The following TRPM4 variants were observed in gnomAD, a reference collection of about 807,000 sequenced individuals.
The protein encoded by TRPM4 is calcium-activated non-selective cation channel 1.
TRPM4 carries 124 observed loss-of-function variants against 135.6 expected under a neutral mutation model. The observed-to-expected ratio is 0.91, with a 90% CI of 0.79 to 1.06. TRPM4 has a LOEUF of 1.06. Among genes scored for constraint, TRPM4 ranks in the 50% least tolerant of loss-of-function variants. TRPM4 has a pLI of 0.00. For synonymous variants in TRPM4, 745 were observed against 705.6 expected (o/e 1.06, Z -0.88); for missense variants, 1,658 against 1,671.4 (o/e 0.99, Z 0.14).
intron 9 of TRPM4, among the ~76,000 whole-genome samples, chr19:49,174,144 T>TTGTGTGTGTG (rs148469205): frequency 9.4e-5 from 14 of 149,620 alleles, no homozygotes; most frequent in African/African-American, 9.8e-5. Flanking sequence ...CAAGGAAAAG[T>TTGTGTGTGTG]TGTGTGTGTG....
At chr19:49,197,352 CTT>C (rs1243052515) in intron 17 of TRPM4, among the ~76,000 whole-genome samples, 7,336 of 107,030 alleles carry the variant, frequency 0.069, 257 homozygotes, top group South Asian at 0.11. Context: ...TTCTTTCTTT[CTT>C]TCTTTCTTTC....
chr19:49,200,449 G>T lies in TRPM4; in HGVS notation c.2778+17G>T, dbSNP rs779553209. 2.1e-6 allele frequency: 3 copies of T among 1,435,684 alleles called. No homozygotes were observed. The South Asian group carries it at 3.4e-5, about 16-fold the overall frequency. 88.9% of individuals were successfully genotyped at this position (1,435,684 alleles called of 1,614,324 possible). A position where few individuals can be genotyped will look rare whatever the true frequency, so the allele number is the denominator to read the frequency against. On this transcript the variant is annotated intron_variant, in intron 18 of 24. Coordinates refer to ENST00000252826, the MANE Select transcript of TRPM4 (RefSeq NM_017636.4). ...AGCAAGATGGTGAGGCAGGGGCGGG[G>T]CCAAAGTGGGCGGGGACATAGGGAA...
At position 49,200,321 on chromosome 19, in the gene TRPM4, C is replaced by G; in HGVS notation, c.2667C>G (p.His889Gln). 6.2e-7 allele frequency: 1 copy of G among 1,614,180 alleles called. No individual in the cohort carries two copies. The highest frequency in any genetic ancestry group is 8.5e-7 in the Non-Finnish European group (1 of 1,180,044). ...VGCRLTPGLYHLGRTVLCIDF... is the reference protein window; with the variant it reads ...VGCRLTPGLYQLGRTVLCIDF... ...CCAGGCTGACCCCGGGTTTGTACCA[C>G]CTGGGCCGCACTGTCCTCTGCATCG... The change falls in exon 18 of 25, where the codon CAC (histidine) becomes CAG (glutamine). Residue 889 changes from histidine (H) to glutamine (Q), a missense_variant. Coordinates refer to ENST00000252826, the MANE Select transcript of TRPM4 (RefSeq NM_017636.4).
Position 49,168,333 on chromosome 19 carries a change from G to C in TRPM4, c.522G>C (p.Gln174His), listed in dbSNP as rs1967311947. 6.2e-7 allele frequency: 1 copy of C among 1,614,040 alleles called. No homozygotes were observed. The highest frequency in any genetic ancestry group is 2.2e-5 in the East Asian group (1 of 44,900). The stretch of plus-strand genomic sequence containing the variant: ...TTGGTGTGGCTGTACGGGACCATCA[G>C]ATGGCCAGCACTGGGGGCACCAAGG... ...RHVGVAVRDHQMASTGGTKVV... is the reference protein window; with the variant it reads ...RHVGVAVRDHHMASTGGTKVV... Residue 174 changes from glutamine to histidine, a missense_variant, in exon 5 of 25, where the codon CAG becomes CAC. Gln to His is a conservative substitution (Grantham distance 24). This residue lies in a region of TRPM4 where 7 missense variants were observed against 22.6 expected (regional missense o/e 0.31). Coordinates refer to ENST00000252826, the MANE Select transcript of TRPM4 (RefSeq NM_017636.4).
chr19:49,200,166 C>A, intron 17 of TRPM4, 134 bp from the exon 18 acceptor site: 1 of 1,370,440 alleles, frequency 7.3e-7, no homozygotes, highest in Non-Finnish European at 1.0e-6. Flanking sequence ...TTGAGTAAAC[C>A]CCGGGTGACT....
intron 9 of TRPM4, among the ~76,000 whole-genome samples, chr19:49,179,549 C>T (rs374807152): frequency 6.6e-6 from 1 of 152,068 alleles, no homozygotes; most frequent in African/African-American, 2.4e-5. Context: ...GGGGTTTCAC[C>T]GTGTTACCCA....
intron 20 of TRPM4, among the ~76,000 whole-genome samples, chr19:49,203,187 C>A (rs113959674): frequency 0.021 from 3,129 of 146,150 alleles, 68 homozygotes; most frequent in Middle Eastern, 0.084. Flanking sequence ...CACCGCGCCC[C>A]GCCTTTTTTT....
chr19:49,193,871 T>C (rs1294696927), intron 16 of TRPM4, among the ~76,000 whole-genome samples: 3 of 149,846 alleles, frequency 2.0e-5, no homozygotes. Flanking sequence ...TTCTCCTCCT[T>C]GTCCTCCTCC....
Position 49,181,424 on chromosome 19 carries a change from C to A in TRPM4, c.1226C>A (p.Ala409Asp). The change falls in exon 10 of 25, where the codon GCC becomes GAC. Residue 409 changes from alanine (A) to aspartate (D), a missense_variant. Physicochemically the swap from Ala to Asp is moderately radical, Grantham distance 126. This residue lies in a region of TRPM4 where 1,412 missense variants were observed against 1,408.7 expected (regional missense o/e 1.00). Coordinates refer to ENST00000252826, the MANE Select transcript of TRPM4 (RefSeq NM_017636.4). ...GTGGCTTGGAACCGCGTGGACATTG[C>A]CCAGAGTGAACTCTTTCGGGGGGAC... ...LAVAWNRVDI[A>D]QSELFRGDIQ... 6.2e-7 allele frequency: 1 copy of A among 1,613,848 alleles called. No homozygotes were observed. The highest frequency in any genetic ancestry group is 8.5e-7 in the Non-Finnish European group (1 of 1,180,002).
At chr19:49,184,500 G>A (rs1415722678) in intron 12 of TRPM4, among the ~76,000 whole-genome samples, 12 of 111,316 alleles carry the variant, frequency 1.1e-4, no homozygotes, top group South Asian at 3.2e-4. Flanking sequence ...TCGCTCAGTC[G>A]CCCAGGCTGG....
In TRPM4 at chr19:49,196,674, G is replaced by T; in HGVS notation, c.2445G>T (p.Leu815=). 6.5e-7 allele frequency: 1 copy of T among 1,549,030 alleles called. No individual in the cohort carries two copies. Among genetic ancestry groups the T allele is most frequent in the Non-Finnish European group, 8.7e-7 (1 of 1,151,906 alleles). The change falls in exon 17 of 25, where the codon CTG becomes CTT. Residue 815 remains leucine (L), a synonymous_variant. Coordinates refer to ENST00000252826, the MANE Select transcript of TRPM4 (RefSeq NM_017636.4). The stretch of plus-strand genomic sequence containing the variant: ...CGGCGCCGCCCGGCTCCCTGGAGCT[G>T]CTGCTCTATTTCTGGGCTTTCACGC... ...FQPAPPGSLE[L]LLYFWAFTLL...
At position 49,210,323 on chromosome 19, in the gene TRPM4, C is replaced by T; in HGVS notation, c.3246C>T (p.Ile1082=). 1 of 1,614,248 alleles carries T rather than the reference C, an allele frequency of 6.2e-7. No homozygotes were observed. Among genetic ancestry groups the T allele is most frequent in the Non-Finnish European group, 8.5e-7 (1 of 1,180,044 alleles). Residue 1082 remains isoleucine (I), a synonymous_variant, in exon 21 of 25, where the codon ATC becomes ATT. Coordinates refer to ENST00000252826, the MANE Select transcript of TRPM4 (RefSeq NM_017636.4). This position sits in a 1 kb window ranked among gnomAD's most constrained non-coding sequence, Gnocchi z 4.1. ...RPALAPPFIV[I]SHLRLLLRQL... ...CGCTGGCCCCGCCCTTTATCGTCAT[C>T]TCCCACTTGCGCCTCCTGCTCAGGC... is the stretch of plus-strand genomic sequence containing the variant.
chr19:49,184,525 A>G (rs967230911), intron 12 of TRPM4, among the ~76,000 whole-genome samples: 3 of 128,674 alleles, frequency 2.3e-5, no homozygotes, highest in African/African-American at 9.4e-5. Flanking sequence ...CAGTGGCTCA[A>G]TCTCCGCTCA....
chr19:49,163,485 T>C (rs1290176092), intron 2 of TRPM4, among the ~76,000 whole-genome samples: 1 of 152,036 alleles, frequency 6.6e-6, no homozygotes, highest in South Asian at 2.1e-4. Flanking sequence ...TGAGCCACCA[T>C]GCCCGGCCTT....
chr19:49,168,662 G>T lies in TRPM4; in HGVS notation c.722G>T (p.Gly241Val), dbSNP rs1967332418. The change falls in exon 6 of 25, where the codon GGC (glycine) becomes GTC (valine). Residue 241 changes from glycine to valine, a missense_variant. Transcript: ENST00000252826. ...TTCCTGGTGGACGACGGCACACACG[G>T]CTGCCTGGGGGGCGAGAACCGCTTC... Reference protein sequence around the residue: ...AFFLVDDGTHGCLGGENRFRL... With the variant: ...AFFLVDDGTHVCLGGENRFRL... The T allele has an allele frequency of 6.2e-7, 1 of 1,612,984 alleles. No individual in the cohort carries two copies. The highest frequency in any genetic ancestry group is 8.5e-7 in the Non-Finnish European group (1 of 1,179,890).
Position 49,200,402 on chromosome 19 carries a change from G to A in TRPM4, c.2748G>A (p.Leu916=). 2 of 1,613,960 alleles carry A rather than the reference G, an allele frequency of 1.2e-6. No homozygotes were observed. The highest frequency in any genetic ancestry group is 1.3e-5 in the African/African-American group (1 of 74,976). Residue 916 remains leucine, a synonymous_variant, in exon 18 of 25, where the codon CTG becomes CTA. Coordinates refer to ENST00000252826, the MANE Select transcript of TRPM4 (RefSeq NM_017636.4). ...LLHIFTVNKQ[L]GPKIVIVSKM... ...ACATCTTCACGGTCAACAAACAGCTGGGGCCCAAGATCGTCATCGTGAGCA... is the reference window on the plus strand; with the variant it reads ...ACATCTTCACGGTCAACAAACAGCTAGGGCCCAAGATCGTCATCGTGAGCA...
At chr19:49,203,854 G>A (rs2176902) in intron 20 of TRPM4, among the ~76,000 whole-genome samples, 26,978 of 152,144 alleles carry the variant, frequency 0.18, 4,029 homozygotes, top group African/African-American at 0.41. Context: ...TGGGCCCAGC[G>A]TGGTGGCTCA....
Position 49,210,470 on chromosome 19 carries a change from A to G in TRPM4, c.3328+65A>G, listed in dbSNP as rs1969312243. The G allele has an allele frequency of 1.9e-6, 3 of 1,570,838 alleles. No homozygotes were observed. The highest frequency in any genetic ancestry group is 2.6e-6 in the Non-Finnish European group (3 of 1,153,414). On this transcript the variant is annotated intron_variant, in intron 21 of 24. Transcript: ENST00000252826. This position sits in a 1 kb window ranked among gnomAD's most constrained non-coding sequence, Gnocchi z 4.1. ...GACCGGGAGCCTGGAAGGCGAGGGG[A>G]AGGGGGCATGCCCCAAATGACTAAC...
Position 49,204,982 on chromosome 19 carries a change from G to GTTTTT in TRPM4, c.3131+2858_3131+2862dup, listed in dbSNP as rs756332219. 5.8e-3 allele frequency among the ~76,000 whole-genome samples: 350 copies of GTTTTT among 60,650 alleles called. 11 individuals carry two copies. The highest frequency in any genetic ancestry group is 0.012 in the African/African-American group (219 of 17,576). 39.8% of individuals were successfully genotyped at this position (60,650 alleles called of 152,430 possible). A position where few individuals can be genotyped will look rare whatever the true frequency, so the allele number is the denominator to read the frequency against. ...ATATAAAATTTCATTGGCTTTGGTT[G>GTTTTT]TTTTTTTTTTTTTTTTTTTTTCAGA... On this transcript the variant is annotated intron_variant, in intron 20 of 24. Transcript: ENST00000252826.
Sources: allele counts gnomAD v4.1 joint callset (sites outside exome capture counted in the v4.1 genomes callset), GRCh38; gene constraint gnomAD v4.1.1; regional missense constraint gnomAD v4.1.1; non-coding constraint Gnocchi (gnomAD v3.1); transcripts MANE v1.5; gene names NCBI Gene and HGNC (gene_info 2026-07-23, HGNC 2026-07-21).